The following CTNNA2 variants were observed in gnomAD, a reference collection of about 807,000 sequenced individuals.
CTNNA2 encodes the protein catenin alpha-2.
Under a neutral mutation model 101.0 loss-of-function variants are expected in CTNNA2, and 42 were observed. The observed-to-expected ratio is 0.42, with a 90% CI of 0.32 to 0.54. The LOEUF (loss-of-function observed/expected upper bound fraction) is 0.54, where lower values mean the gene tolerates loss of function less well. Ranked by LOEUF, CTNNA2 falls within the 20% of genes least tolerant of loss-of-function variation. The pLI is 0.14. For synonymous variants in CTNNA2, 450 were observed against 456.4 expected, an observed-to-expected ratio of 0.99 and a Z score of 0.18; for missense variants, 871 against 1,223.1, an observed-to-expected ratio of 0.71 and a Z score of 4.29.
chr2:79,980,633 A>AT (rs1418389783), intron 7 of CTNNA2, among the ~76,000 whole-genome samples: 5 of 152,140 alleles, frequency 3.3e-5, no homozygotes, highest in African/African-American at 1.2e-4. Context: ...CGTTTTTAAG[A>AT]TTTTTTAAAA....
At chr2:80,493,664 TAGAA>T (rs971175797) in intron 9 of CTNNA2, among the ~76,000 whole-genome samples, 3 of 152,194 alleles carry the variant, frequency 2.0e-5, no homozygotes, top group Non-Finnish European at 2.9e-5. Context: ...AATTTTTCCT[TAGAA>T]AGGACATCTA....
chr2:80,306,416 CTTTCTTT>C (rs1676993382), intron 7 of CTNNA2, among the ~76,000 whole-genome samples: 1 of 136,946 alleles, frequency 7.3e-6, no homozygotes. Flanking sequence ...TTCTTTCTTT[CTTTCTTT>C]CTTTCTTTCT....
chr2:80,288,176 G>A (rs1389235811), intron 7 of CTNNA2, among the ~76,000 whole-genome samples: 4 of 152,016 alleles, frequency 2.6e-5, no homozygotes, highest in South Asian at 4.2e-4. Flanking sequence ...GAAACCCCAC[G>A]GCCTCCTTAA....
chr2:80,206,869 G>A (rs1268080686), intron 7 of CTNNA2, among the ~76,000 whole-genome samples: 1 of 152,202 alleles, frequency 6.6e-6, no homozygotes, highest in East Asian at 1.9e-4. Context: ...GCCATCTGAT[G>A]TATTAACAGA....
intron 2 of CTNNA2, among the ~76,000 whole-genome samples, chr2:79,296,507 C>T (rs1165161659): frequency 6.6e-6 from 1 of 152,086 alleles, no homozygotes; most frequent in African/African-American, 2.4e-5. Flanking sequence ...TTACAGCTCT[C>T]ATTTGTGCAT....
At chr2:80,448,613 C>G (rs1044852335) in intron 9 of CTNNA2, among the ~76,000 whole-genome samples, 4 of 152,154 alleles carry the variant, frequency 2.6e-5, no homozygotes, top group African/African-American at 9.7e-5. Flanking sequence ...TAATGTACAG[C>G]CAGGGCTCAG....
At chr2:79,257,493 T>A (rs1203009729) in intron 2 of CTNNA2, among the ~76,000 whole-genome samples, 2 of 144,068 alleles carry the variant, frequency 1.4e-5, no homozygotes, top group Non-Finnish European at 3.0e-5. Flanking sequence ...AGGGAGAAAG[T>A]AGGTTAAAAA....
rs1377682030 is a variant in CTNNA2, at chr2:79,531,194, TCATATATATATATATA to T, written c.-6+17988_-6+18003del. On this transcript the variant is annotated intron_variant, in intron 1 of 18. Transcript: ENST00000402739. The stretch of plus-strand genomic sequence containing the variant: ...TTTATTTATTAGTAAATAGATACGC[TCATATATATATATATA>T]TATATATATATATATATATATATAT... Among the ~76,000 whole-genome samples, 51 of 76,894 alleles carry T rather than the reference TCATATATATATATATA, an allele frequency of 6.6e-4. 1 individual carries two copies. Among genetic ancestry groups the T allele is most frequent in the African/African-American group, 2.4e-3 (49 of 20,310 alleles). 50.4% of individuals were successfully genotyped at this position (76,894 alleles called of 152,430 possible).
At chr2:79,983,483 T>C (rs968455415) in intron 7 of CTNNA2, among the ~76,000 whole-genome samples, 5 of 152,294 alleles carry the variant, frequency 3.3e-5, no homozygotes, top group Admixed American at 3.3e-4. Context: ...TGGTGCGTGC[T>C]TCTCTAAGAG....
chr2:80,142,809 A>T (rs144365302), intron 7 of CTNNA2, among the ~76,000 whole-genome samples: 185 of 152,248 alleles, frequency 1.2e-3, no homozygotes, highest in African/African-American at 3.7e-3. Flanking sequence ...AGAAACAGAA[A>T]CTAAGGACCC....
At chr2:79,683,829 G>A (rs1276160217) in intron 2 of CTNNA2, among the ~76,000 whole-genome samples, 1 of 152,212 alleles carries the variant, frequency 6.6e-6, no homozygotes, top group African/African-American at 2.4e-5. Context: ...GGAGTGGTGG[G>A]AGAACCAGGC....
chr2:80,182,326 A>G (rs1039239928), intron 7 of CTNNA2, among the ~76,000 whole-genome samples: 4 of 152,196 alleles, frequency 2.6e-5, no homozygotes, highest in African/African-American at 9.7e-5. Context: ...CAGAAGACTC[A>G]GTCAGTCTAG....
intron 7 of CTNNA2, among the ~76,000 whole-genome samples, chr2:80,008,539 A>G (rs1693542547): frequency 6.6e-6 from 1 of 152,170 alleles, no homozygotes; most frequent in African/African-American, 2.4e-5. Context: ...GTGAGTATTC[A>G]TGCATGGGAG....
chr2:79,301,225 GATTTTCCA>G (rs1676100259), intron 2 of CTNNA2, among the ~76,000 whole-genome samples: 1 of 152,150 alleles, frequency 6.6e-6, no homozygotes, highest in Non-Finnish European at 1.5e-5. Context: ...GTCTTTATAA[GATTTTCCA>G]ATTCCATACA....
intron 9 of CTNNA2, among the ~76,000 whole-genome samples, chr2:80,436,647 G>T (rs924019989): frequency 2.0e-5 from 3 of 152,134 alleles, no homozygotes; most frequent in Non-Finnish European, 4.4e-5. Flanking sequence ...CAGTTCCAGA[G>T]GCTGGGAGGT....
At chr2:80,642,281 T>A (rs1458612763) in intron 18 of CTNNA2, among the ~76,000 whole-genome samples, 2 of 152,150 alleles carry the variant, frequency 1.3e-5, no homozygotes, top group Non-Finnish European at 2.9e-5. Context: ...TCCCTTCTCC[T>A]ATCCCTACTT....
chr2:80,157,322 G>T (rs1704047265), intron 7 of CTNNA2, among the ~76,000 whole-genome samples: 1 of 152,166 alleles, frequency 6.6e-6, no homozygotes, highest in South Asian at 2.1e-4. Context: ...GTGTGAGAAA[G>T]GGTTCTTTGA....
rs565406160 is a variant in CTNNA2, at chr2:80,629,799, C to T, written c.2574+10571C>T. ...CTTCTCCAGTAGTGATAATCACAAA[C>T]ATCTCCAAACTTTGCTGAACGTATC... On this transcript the variant is annotated intron_variant, in intron 18 of 18. Transcript: ENST00000402739. 1.2e-4 allele frequency among the ~76,000 whole-genome samples: 18 copies of T among 152,298 alleles called. 1 individual carries two copies. In the South Asian group the frequency reaches 3.3e-3, roughly 28 times the overall value.
intron 7 of CTNNA2, among the ~76,000 whole-genome samples, chr2:80,007,219 G>T (rs2103995691): frequency 6.6e-6 from 1 of 152,212 alleles, no homozygotes; most frequent in South Asian, 2.1e-4. Context: ...TTACCGAGAA[G>T]ATTGAAGGAT....
Sources: gnomAD v4.1 joint callset for allele counts (sites outside exome capture counted in the v4.1 genomes callset) on GRCh38, gnomAD v4.1.1 for gene constraint, MANE v1.5 for transcripts, NCBI Gene and HGNC (gene_info 2026-07-23, HGNC 2026-07-21) for gene names.